LRMDA: variants seen among roughly 807,000 people sequenced by gnomAD.
LRMDA encodes the protein leucine-rich melanocyte differentiation-associated protein.
In LRMDA, 18 loss-of-function variants were observed where a neutral mutation model predicts 29.8. The observed-to-expected ratio is 0.60, with a 90% CI of 0.42 to 0.90. LRMDA has a LOEUF of 0.90. Among genes scored for constraint, LRMDA ranks in the 40% least tolerant of loss-of-function variants. The pLI, the probability that LRMDA is intolerant of heterozygous loss-of-function variation, is 0.00. For missense variants in LRMDA, 273 were observed against 273.9 expected (o/e 1.00, Z 0.02); for synonymous variants, 125 against 109.4 (o/e 1.14, Z -0.89).
chr10:75,589,087 T>C (rs968580278), intron 2 of LRMDA, among the ~76,000 whole-genome samples: 3 of 152,228 alleles, frequency 2.0e-5, no homozygotes, highest in African/African-American at 7.2e-5. Context: ...CATTTTTGAA[T>C]GTTTGCAAGT....
At chr10:75,836,896 G>A (rs1013048109) in intron 2 of LRMDA, among the ~76,000 whole-genome samples, 6 of 152,128 alleles carry the variant, frequency 3.9e-5, no homozygotes, top group African/African-American at 1.4e-4. Flanking sequence ...GCATTATAAT[G>A]TCATTGAGAC....
chr10:76,368,752 A>G (rs886543669), intron 6 of LRMDA, among the ~76,000 whole-genome samples: 1 of 152,054 alleles, frequency 6.6e-6, no homozygotes, highest in African/African-American at 2.4e-5. Context: ...TCTTAGGTCT[A>G]TTAGTAATTG....
chr10:75,791,800 T>C (rs2132252806), intron 2 of LRMDA, among the ~76,000 whole-genome samples: 1 of 151,928 alleles, frequency 6.6e-6, no homozygotes, highest in South Asian at 2.1e-4. Flanking sequence ...GCTTGCTAAA[T>C]GTCACTGGTC....
chr10:75,601,590 T>C lies in LRMDA; in HGVS notation c.131+163096T>C, dbSNP rs553275381. 2.6e-5 allele frequency among the ~76,000 whole-genome samples: 4 copies of C among 152,318 alleles called. No individual in the cohort carries two copies. The East Asian group carries it at 7.7e-4, about 29-fold the overall frequency. ...ATAAGGGAATTTTTATATACAAAAA[T>C]AGAATTATAGGCAGAATCAAGGAAA... On this transcript the variant is annotated intron_variant, in intron 2 of 6. Coordinates refer to ENST00000611255, the MANE Select transcript of LRMDA (RefSeq NM_001305581.2).
rs1848455713 is a variant in LRMDA, at chr10:76,047,279, A to T, written c.374A>T (p.Asp125Val). 3 of 1,613,424 alleles carry T rather than the reference A, an allele frequency of 1.9e-6. No individual in the cohort carries two copies. The highest frequency in any genetic ancestry group is 2.5e-6 in the Non-Finnish European group (3 of 1,179,690). ...AACGAGCTGGTCAGCTTGGAAAAGGATGAGGAAGACTACAAGAGATACAGG... is the reference window on the plus strand; with the variant it reads ...AACGAGCTGGTCAGCTTGGAAAAGGTTGAGGAAGACTACAAGAGATACAGG... ...CPNELVSLEKDEEDYKRYRCF... is the reference protein window; with the variant it reads ...CPNELVSLEKVEEDYKRYRCF... Residue 125 changes from aspartate to valine, a missense_variant, in exon 4 of 7, where the codon GAT (aspartate) becomes GTT (valine). Coordinates refer to ENST00000611255, the MANE Select transcript of LRMDA (RefSeq NM_001305581.2).
intron 6 of LRMDA, among the ~76,000 whole-genome samples, chr10:76,436,402 A>C (rs534716583): frequency 6.6e-6 from 1 of 152,328 alleles, no homozygotes; most frequent in East Asian, 1.9e-4. Context: ...GTGATGACCC[A>C]GGCCACTTGG....
chr10:76,002,546 C>T (rs1847579754), intron 2 of LRMDA, among the ~76,000 whole-genome samples: 1 of 152,176 alleles, frequency 6.6e-6, no homozygotes. Context: ...TTGCTATTTG[C>T]ATTAGAAGTA....
At chr10:75,458,023 A>T (rs1447181478) in intron 2 of LRMDA, among the ~76,000 whole-genome samples, 1 of 152,200 alleles carries the variant, frequency 6.6e-6, no homozygotes, top group African/African-American at 2.4e-5. Flanking sequence ...AAGACACAGG[A>T]TGCCTGAGTA....
intron 2 of LRMDA, among the ~76,000 whole-genome samples, chr10:75,495,159 T>A (rs560178754): frequency 6.6e-6 from 1 of 152,222 alleles, no homozygotes; most frequent in African/African-American, 2.4e-5. Context: ...AAGGGGAGAA[T>A]GGATATTGGG....
intron 2 of LRMDA, among the ~76,000 whole-genome samples, chr10:75,842,770 A>G (rs1296371508): frequency 1.3e-5 from 2 of 152,024 alleles, no homozygotes; most frequent in Non-Finnish European, 2.9e-5. Context: ...TCTGACACCT[A>G]TAATGCCAGC....
intron 2 of LRMDA, among the ~76,000 whole-genome samples, chr10:75,563,462 GC>G (rs1840327042): frequency 6.6e-6 from 1 of 151,928 alleles, no homozygotes; most frequent in African/African-American, 2.4e-5. Flanking sequence ...TAACTTCTTT[GC>G]CTTTGGTTTG....
At chr10:76,529,568 C>T (rs961899321) in intron 6 of LRMDA, among the ~76,000 whole-genome samples, 1 of 152,100 alleles carries the variant, frequency 6.6e-6, no homozygotes, top group African/African-American at 2.4e-5. Context: ...ATGTAGATGT[C>T]TAGGATCAGA....
chr10:75,551,118 A>G (rs1840137692), intron 2 of LRMDA, among the ~76,000 whole-genome samples: 3 of 150,582 alleles, frequency 2.0e-5, no homozygotes, highest in Admixed American at 2.0e-4. Flanking sequence ...AATATTTTCT[A>G]GTTTAATCTA....
At chr10:76,476,963 T>C (rs1377560844) in intron 6 of LRMDA, among the ~76,000 whole-genome samples, 4 of 152,100 alleles carry the variant, frequency 2.6e-5, no homozygotes, top group Non-Finnish European at 5.9e-5. Context: ...GGGCAAAAAC[T>C]GGAAGCATTC....
At chr10:75,475,223 C>T (rs1465058200) in intron 2 of LRMDA, among the ~76,000 whole-genome samples, 1 of 152,172 alleles carries the variant, frequency 6.6e-6, no homozygotes, top group Admixed American at 6.5e-5. Flanking sequence ...TTTTCTCCCT[C>T]TGGTCCCAGT....
chr10:76,049,095 A>G lies in LRMDA; in HGVS notation c.398+1792A>G, dbSNP rs534229969. On this transcript the variant is annotated intron_variant, in intron 4 of 6. Transcript: ENST00000611255. ...AAGCAAAGGACTATGATTCAGACTC[A>G]ATCCAAGTGCTGGTTGTGGGTCATG... Among the ~76,000 whole-genome samples the G allele has an allele frequency of 2.7e-3, 411 of 152,238 alleles. 3 individuals are homozygous for G. Among genetic ancestry groups the G allele is most frequent in the African/African-American group, 9.6e-3 (400 of 41,530 alleles).
At chr10:75,896,043 A>G (rs1845575232) in intron 2 of LRMDA, among the ~76,000 whole-genome samples, 1 of 152,222 alleles carries the variant, frequency 6.6e-6, no homozygotes, top group African/African-American at 2.4e-5. Flanking sequence ...CCTTATTAAG[A>G]TATCATAAAG....
At chr10:76,325,413 A>G (rs1230519368) in intron 6 of LRMDA, among the ~76,000 whole-genome samples, 1 of 152,244 alleles carries the variant, frequency 6.6e-6, no homozygotes, top group East Asian at 1.9e-4. Flanking sequence ...CTACATTTAA[A>G]TATACTTTAG....
At chr10:76,084,280 C>T (rs1398764521) in intron 5 of LRMDA, among the ~76,000 whole-genome samples, 1 of 151,840 alleles carries the variant, frequency 6.6e-6, no homozygotes, top group Non-Finnish European at 1.5e-5. Context: ...TTACCACAAC[C>T]TCTGCCTCCC....
Sources: gnomAD v4.1 joint callset for allele counts (sites outside exome capture counted in the v4.1 genomes callset) on GRCh38, gnomAD v4.1.1 for gene constraint, MANE v1.5 for transcripts, NCBI Gene and HGNC (gene_info 2026-07-23, HGNC 2026-07-21) for gene names.